The following INPP4A variants were observed in gnomAD, a reference collection of about 807,000 sequenced individuals.
INPP4A encodes inositol polyphosphate-4-phosphatase, type I, 107kD.
A neutral mutation model predicts 119.8 loss-of-function variants in INPP4A; 33 were observed. The observed-to-expected ratio is 0.28, with a 90% CI of 0.21 to 0.37. The LOEUF is 0.37. Ranked by LOEUF, INPP4A falls within the 10% of genes least tolerant of loss-of-function variation. INPP4A has a pLI of 1.00. For synonymous variants in INPP4A, 496 were observed against 500.7 expected, an observed-to-expected ratio of 0.99 and a Z score of 0.12; for missense variants, 956 against 1,289.9, an observed-to-expected ratio of 0.74 and a Z score of 3.97.
At chr2:98,586,855 T>C (rs1299757418) in intron 24 of INPP4A, among the ~76,000 whole-genome samples, 1 of 152,192 alleles carries the variant, frequency 6.6e-6, no homozygotes, top group Non-Finnish European at 1.5e-5. Flanking sequence ...CCCTCCCTCA[T>C]AACATTCCAG....
At chr2:98,460,154 A>C (rs1435620681) in intron 1 of INPP4A, among the ~76,000 whole-genome samples, 1 of 149,886 alleles carries the variant, frequency 6.7e-6, no homozygotes, top group Non-Finnish European at 1.5e-5. Context: ...TAAAAGTAAA[A>C]ATTTTCCCCA....
chr2:98,581,117 C>G (rs1284025789), intron 24 of INPP4A, among the ~76,000 whole-genome samples: 3 of 152,194 alleles, frequency 2.0e-5, no homozygotes, highest in East Asian at 1.9e-4. Flanking sequence ...TGTACCACCC[C>G]CTGCTCAGGC....
chr2:98,510,562 A>G (rs1308243782), intron 1 of INPP4A, among the ~76,000 whole-genome samples: 1 of 152,206 alleles, frequency 6.6e-6, no homozygotes, highest in African/African-American at 2.4e-5. Flanking sequence ...ATGTCCTCAC[A>G]TGACAAAAGG....
intron 1 of INPP4A, among the ~76,000 whole-genome samples, chr2:98,492,063 T>C (rs567283629): frequency 2.2e-4 from 33 of 152,254 alleles, no homozygotes; most frequent in Non-Finnish European, 4.9e-4. Flanking sequence ...CTAATTTTTG[T>C]ATTTTCAGTA....
intron 1 of INPP4A, among the ~76,000 whole-genome samples, chr2:98,452,605 C>T (rs1268556926): frequency 1.3e-5 from 2 of 152,204 alleles, no homozygotes; most frequent in Non-Finnish European, 2.9e-5. Flanking sequence ...CCAGTGTTTA[C>T]GGCCCTGGGG....
At chr2:98,539,079 C>T in intron 9 of INPP4A, 98 bp downstream of exon 9, 1 of 641,730 alleles carries the variant, frequency 1.6e-6, no homozygotes, top group Non-Finnish European at 2.8e-6. Flanking sequence ...TTGTCCCAGC[C>T]ATGCACCCTA....
At chr2:98,490,158 C>T (rs1680408599) in intron 1 of INPP4A, among the ~76,000 whole-genome samples, 1 of 151,770 alleles carries the variant, frequency 6.6e-6, no homozygotes, top group African/African-American at 2.4e-5. Flanking sequence ...AGGAAGACTC[C>T]ATGTGTTTGG....
intron 1 of INPP4A, among the ~76,000 whole-genome samples, chr2:98,466,588 A>G (rs1674838908): frequency 6.6e-6 from 1 of 152,206 alleles, no homozygotes; most frequent in Non-Finnish European, 1.5e-5. Context: ...GGCTCAGAGA[A>G]GTTGTCACCC....
At position 98,572,825 on chromosome 2, in the gene INPP4A, G is replaced by A; in HGVS notation, c.2529G>A (p.Arg843=). The change falls in exon 23 of 25, where the codon CGG becomes CGA. Residue 843 remains arginine (R), a synonymous_variant. Coordinates refer to ENST00000409851, the MANE Select transcript of INPP4A (RefSeq NM_001134225.2). ...KEVLPEDCLP[R]SRSQTCLPEL... The stretch of plus-strand genomic sequence containing the variant: ...CCTTTTCTCTTCCAGGCCTGCCTCG[G>A]TCTCGCAGTCAGACGTGCCTGCCAG... 1 of 1,559,302 alleles carries A rather than the reference G, an allele frequency of 6.4e-7. No individual in the cohort carries two copies.
intron 1 of INPP4A, among the ~76,000 whole-genome samples, chr2:98,518,006 T>C (rs1290036541): frequency 3.3e-5 from 5 of 152,238 alleles, no homozygotes; most frequent in Non-Finnish European, 7.3e-5. Context: ...TTGCGTTACT[T>C]AATGAGTTTG....
At chr2:98,504,872 A>T (rs914266166) in intron 1 of INPP4A, among the ~76,000 whole-genome samples, 4 of 152,184 alleles carry the variant, frequency 2.6e-5, no homozygotes, top group African/African-American at 7.2e-5. Flanking sequence ...GTGTGGTGTT[A>T]ATCTTCAGTG....
intron 1 of INPP4A, among the ~76,000 whole-genome samples, chr2:98,456,232 A>G (rs548211451): frequency 2.0e-5 from 3 of 152,346 alleles, no homozygotes; most frequent in Non-Finnish European, 4.4e-5. Context: ...GATTAAAAAG[A>G]AAAAAAGGGC....
At chr2:98,497,337 G>A (rs1682203174) in intron 1 of INPP4A, among the ~76,000 whole-genome samples, 1 of 152,244 alleles carries the variant, frequency 6.6e-6, no homozygotes, top group African/African-American at 2.4e-5. Context: ...AGTGCAGAAG[G>A]GAAATGTGGG....
intron 4 of INPP4A, among the ~76,000 whole-genome samples, chr2:98,531,898 T>C (rs1689308428): frequency 6.6e-6 from 1 of 152,150 alleles, no homozygotes; most frequent in Non-Finnish European, 1.5e-5. Flanking sequence ...TTCAAAGACA[T>C]AAGATTTGGG....
intron 1 of INPP4A, among the ~76,000 whole-genome samples, chr2:98,480,221 C>T (rs1324483943): frequency 6.6e-6 from 1 of 152,184 alleles, no homozygotes; most frequent in East Asian, 1.9e-4. Context: ...CCAGGGGCTC[C>T]TGGTTCTGAC....
At chr2:98,448,387 T>C (rs183866291) in intron 1 of INPP4A, among the ~76,000 whole-genome samples, 4 of 151,050 alleles carry the variant, frequency 2.6e-5, no homozygotes, top group East Asian at 3.9e-4. Context: ...ATGAAATTAA[T>C]GTTGATATAA....
rs929190933 is a variant in INPP4A, at chr2:98,444,909, T to A, written c.-342T>A. ...GCTGCGGCGCGCGTGGAGGGTTCGC[T>A]GCTGGTTTGCCGCCGGGTCGGGCTC... On this transcript the variant is annotated 5_prime_UTR_variant, in exon 1 of 25. Coordinates refer to ENST00000409851, the MANE Select transcript of INPP4A (RefSeq NM_001134225.2). The A allele has an allele frequency of 6.6e-6, 1 of 151,410 alleles. No individual in the cohort carries two copies. The highest frequency in any genetic ancestry group is 2.0e-4 in the South Asian group (1 of 4,896). The allele number at this position is 151,410 out of a possible 1,614,324, so 9.4% of individuals were successfully genotyped here. A position where few individuals can be genotyped will look rare whatever the true frequency, so the allele number is the denominator to read the frequency against.
At chr2:98,498,630 A>C (rs972331833) in intron 1 of INPP4A, among the ~76,000 whole-genome samples, 3 of 152,108 alleles carry the variant, frequency 2.0e-5, no homozygotes, top group Non-Finnish European at 2.9e-5. Flanking sequence ...TCCATAAAGC[A>C]CTGTGTTAAG....
At chr2:98,493,025 G>T (rs1681166116) in intron 1 of INPP4A, among the ~76,000 whole-genome samples, 1 of 152,180 alleles carries the variant, frequency 6.6e-6, no homozygotes. Flanking sequence ...CAGCCTGAAA[G>T]ACCCTCCACC....
Sources: gnomAD v4.1 joint callset for allele counts (sites outside exome capture counted in the v4.1 genomes callset) on GRCh38, gnomAD v4.1.1 for gene constraint, MANE v1.5 for transcripts, NCBI Gene and HGNC (gene_info 2026-07-23, HGNC 2026-07-21) for gene names.